Variants in LCA5L observed in about 807,000 individuals in gnomAD.
LCA5L encodes lebercilin LCA5 like, also known as lebercilin-like protein.
A neutral mutation model predicts 45.4 loss-of-function variants in LCA5L; 35 were observed. The ratio of observed to expected loss-of-function variants is 0.77; its 90% CI spans 0.59 to 1.02. The LOEUF (loss-of-function observed/expected upper bound fraction) is 1.02. Ranked by LOEUF, LCA5L falls within the 50% of genes least tolerant of loss-of-function variation. The probability of loss-of-function intolerance (pLI) is 0.00; values close to 1 mark genes in which losing one functional copy is unlikely to be tolerated. For synonymous variants in LCA5L, 233 were observed against 264.7 expected (o/e 0.88, Z 1.16); for missense variants, 668 against 761.6 (o/e 0.88, Z 1.45).
chr21:39,445,156 C>T (rs2077327270), intron 1 of LCA5L, among the ~76,000 whole-genome samples: 2 of 152,040 alleles, frequency 1.3e-5, no homozygotes, highest in Admixed American at 1.3e-4. Flanking sequence ...GAAACGTTAA[C>T]ACGCTGAGGG....
chr21:39,442,925 G>C (rs1205402927), intron 2 of LCA5L, among the ~76,000 whole-genome samples: 1 of 152,180 alleles, frequency 6.6e-6, no homozygotes, highest in Non-Finnish European at 1.5e-5. Context: ...AATGGGAACA[G>C]ATGCCGAGCT....
At chr21:39,421,044 A>T (rs2042213473) in intron 6 of LCA5L, among the ~76,000 whole-genome samples, 1 of 152,168 alleles carries the variant, frequency 6.6e-6, no homozygotes, top group African/African-American at 2.4e-5. Context: ...CTAGAGAACA[A>T]ATATCACACG....
At chr21:39,410,778 G>A (rs2039956615) in intron 8 of LCA5L, 1 of 467,542 alleles carries the variant, frequency 2.1e-6, no homozygotes, top group Non-Finnish European at 4.4e-6. Flanking sequence ...GCACTTTCCT[G>A]AAAAGTGAAG....
At chr21:39,445,278 G>T (rs886894829) in intron 1 of LCA5L, among the ~76,000 whole-genome samples, 1 of 152,180 alleles carries the variant, frequency 6.6e-6, no homozygotes, top group East Asian at 1.9e-4. Context: ...CAGCGCTAAG[G>T]TTAGAAAGAA....
rs374126526 is a variant in LCA5L, at chr21:39,428,385, C to A, written c.109G>T (p.Asp37Tyr). The part of the protein sequence containing the change: ...AACKRSPGTG[D>Y]FSRNSNASNK... Reference sequence around the variant, plus strand: ...GAAGCATTACTGTTCCGTGAAAAATCGCCTGTGCCTGGGCTTCTCTTGCAT... The same window carrying A: ...GAAGCATTACTGTTCCGTGAAAAATAGCCTGTGCCTGGGCTTCTCTTGCAT... Residue 37 changes from aspartate (D) to tyrosine (Y), a missense_variant, in exon 5 of 11, where the codon GAT becomes TAT. Coordinates refer to ENST00000288350, the MANE Select transcript of LCA5L (RefSeq NM_152505.4). 3 of 1,613,286 alleles carry A rather than the reference C, an allele frequency of 1.9e-6. No homozygotes were observed. Among genetic ancestry groups the A allele is most frequent in the Non-Finnish European group, 2.5e-6 (3 of 1,179,792 alleles).
At chr21:39,410,903 G>A in intron 8 of LCA5L, 1 of 471,206 alleles carries the variant, frequency 2.1e-6, no homozygotes, top group Non-Finnish European at 4.4e-6. Flanking sequence ...GCATCTGGAA[G>A]TAAACATGTA....
chr21:39,420,629 A>G, intron 7 of LCA5L, 77 bp downstream of exon 7: 2 of 1,292,270 alleles, frequency 1.5e-6, no homozygotes, highest in Non-Finnish European at 2.2e-6. Flanking sequence ...AATCACTTAA[A>G]GATATAATAG....
chr21:39,439,590 G>T (rs1328785874), intron 2 of LCA5L: 1 of 152,222 alleles, frequency 6.6e-6, no homozygotes, highest in African/African-American at 2.4e-5. Flanking sequence ...AAACCAGCTT[G>T]CTTTACCTTG....
intron 5 of LCA5L, 119 bp from the exon 6 acceptor site, chr21:39,423,609 C>G (rs1166495955): frequency 1.3e-6 from 1 of 791,658 alleles, no homozygotes; most frequent in African/African-American, 1.8e-5. Flanking sequence ...TACACACAAG[C>G]GTAAGTGTAA....
At chr21:39,410,187 C>A (rs1320555052) in intron 9 of LCA5L, 77 bp downstream of exon 9, 3 of 1,246,374 alleles carry the variant, frequency 2.4e-6, no homozygotes, top group Non-Finnish European at 3.5e-6. Flanking sequence ...ATACTTTTCA[C>A]ATAGAACAAG....
At chr21:39,437,689 A>G (rs181287396) in intron 2 of LCA5L, among the ~76,000 whole-genome samples, 39 of 152,188 alleles carry the variant, frequency 2.6e-4, no homozygotes, top group East Asian at 2.5e-3. Flanking sequence ...TTGGCTCAAG[A>G]AATCTGCCCA....
At chr21:39,434,921 A>G (rs971910778) in intron 3 of LCA5L, among the ~76,000 whole-genome samples, 5 of 152,246 alleles carry the variant, frequency 3.3e-5, no homozygotes, top group African/African-American at 1.2e-4. Flanking sequence ...ATCTTAAAAT[A>G]GGCAAAGTTA....
intron 3 of LCA5L, among the ~76,000 whole-genome samples, chr21:39,433,366 T>C (rs1357345261): frequency 1.4e-5 from 2 of 139,870 alleles, no homozygotes; most frequent in African/African-American, 5.5e-5. Context: ...TGCAGTGAGC[T>C]GAGATTGCGC....
At chr21:39,430,599 G>A (rs1287632214) in intron 3 of LCA5L, among the ~76,000 whole-genome samples, 1 of 152,142 alleles carries the variant, frequency 6.6e-6, no homozygotes, top group African/African-American at 2.4e-5. Flanking sequence ...AAGCTTATCT[G>A]AGGAATGCAA....
chr21:39,440,244 G>C (rs2076694870), intron 2 of LCA5L, among the ~76,000 whole-genome samples: 1 of 152,152 alleles, frequency 6.6e-6, no homozygotes, highest in Non-Finnish European at 1.5e-5. Context: ...TCCTAAGCCT[G>C]AGGCAGGCAA....
chr21:39,423,107 G>GT lies in LCA5L; in HGVS notation c.705dup (p.Leu236ThrfsTer4). The GT allele has an allele frequency of 6.2e-7, 1 of 1,613,822 alleles. No individual in the cohort carries two copies. The highest frequency in any genetic ancestry group is 8.5e-7 in the Non-Finnish European group (1 of 1,179,810). On this transcript the variant is annotated frameshift_variant, in exon 6 of 11. Coordinates refer to ENST00000288350, the MANE Select transcript of LCA5L (RefSeq NM_152505.4). LOFTEE classifies it high-confidence loss of function. The stretch of plus-strand genomic sequence containing the variant: ...GCCTGCAAGATATCTTTAGTCTTCA[G>GT]TAACTGGCTGTCAGTTTCTCTAAGT...
At chr21:39,439,356 C>T (rs1403141329) in intron 2 of LCA5L, among the ~76,000 whole-genome samples, 4 of 152,174 alleles carry the variant, frequency 2.6e-5, no homozygotes, top group African/African-American at 9.7e-5. Flanking sequence ...GACTTCTGAC[C>T]TCCAGAGCTG....
At chr21:39,442,837 G>A (rs902483474) in intron 2 of LCA5L, among the ~76,000 whole-genome samples, 1 of 152,172 alleles carries the variant, frequency 6.6e-6, no homozygotes, top group African/African-American at 2.4e-5. Flanking sequence ...TAGGAGTCAA[G>A]AGCACAGGGC....
In LCA5L at chr21:39,406,101, G is replaced by A. The variant is rs1177787515; in HGVS notation, c.1794C>T (p.Leu598=). 3.1e-6 allele frequency: 5 copies of A among 1,614,080 alleles called. No homozygotes were observed. The Admixed American group carries it at 8.3e-5, about 27-fold the overall frequency. ...DTTFRDKKSS[L]MEELFGSGYV... ...AGCCTGATCCAAAGAGTTCTTCCAT[G>A]AGACTGCTTTTCTTATCTCTGAAAG... Residue 598 remains leucine, a synonymous_variant, in exon 11 of 11, where the codon CTC becomes CTT. Transcript: ENST00000288350.
Sources: gnomAD v4.1 joint callset for allele counts (sites outside exome capture counted in the v4.1 genomes callset) on GRCh38, gnomAD v4.1.1 for gene constraint, MANE v1.5 for transcripts, NCBI Gene and HGNC (gene_info 2026-07-23, HGNC 2026-07-21) for gene names.